ANO4: variants seen among roughly 807,000 people sequenced by gnomAD.
ANO4 encodes anoctamin-4.
Under a neutral mutation model 141.9 loss-of-function variants are expected in ANO4, and 69 were observed. The ratio of observed to expected loss-of-function variants is 0.49; its 90% CI spans 0.40 to 0.59. The LOEUF (loss-of-function observed/expected upper bound fraction) is 0.59. ANO4 is among the 20% of genes least tolerant of loss of function. The probability of loss-of-function intolerance (pLI) is 0.00; values close to 1 mark genes in which losing one functional copy is unlikely to be tolerated. For missense variants in ANO4, 894 were observed against 1,162.2 expected (o/e 0.77, Z 3.36); for synonymous variants, 350 against 394.3 (o/e 0.89, Z 1.33).
intron 5 of ANO4, among the ~76,000 whole-genome samples, chr12:100,943,430 A>G (rs921317686): frequency 2.0e-5 from 3 of 152,228 alleles, no homozygotes; most frequent in African/African-American, 7.2e-5. Context: ...ACAACCTGCG[A>G]GTTGTGCCAA....
At chr12:100,939,229 C>T in intron 3 of ANO4, 86 bp from the exon 4 acceptor site, 4 of 1,370,046 alleles carry the variant, frequency 2.9e-6, no homozygotes, top group Non-Finnish European at 3.0e-6. Flanking sequence ...AAAATATGAA[C>T]CCAAAGGGAG....
intron 8 of ANO4, among the ~76,000 whole-genome samples, chr12:100,988,544 TAA>T (rs72390438): frequency 5.5e-4 from 73 of 133,494 alleles, no homozygotes; most frequent in South Asian, 9.8e-4. Flanking sequence ...GTGATGGATT[TAA>T]AAAAAAAAAA....
intron 26 of ANO4, among the ~76,000 whole-genome samples, chr12:101,124,694 C>T (rs867274787): frequency 2.0e-5 from 3 of 152,150 alleles, no homozygotes; most frequent in Non-Finnish European, 4.4e-5. Context: ...ATATGGCTAG[C>T]CAGTTCTCCC....
chr12:100,746,955 T>C (rs1375963942), intron 3 of ANO4, among the ~76,000 whole-genome samples: 6 of 152,180 alleles, frequency 3.9e-5, no homozygotes, highest in African/African-American at 1.4e-4. Flanking sequence ...TTTTTGCTAA[T>C]ACCAGTTTCT....
chr12:100,815,880 C>T (rs1432874862), intron 1 of ANO4, among the ~76,000 whole-genome samples: 2 of 151,948 alleles, frequency 1.3e-5, no homozygotes, highest in South Asian at 4.1e-4. Context: ...AAAAATTTGG[C>T]ATATTTAAAT....
intron 24 of ANO4, among the ~76,000 whole-genome samples, chr12:101,114,267 C>T (rs1386900048): frequency 6.6e-6 from 1 of 152,168 alleles, no homozygotes; most frequent in African/African-American, 2.4e-5. Flanking sequence ...ACAACTTTCA[C>T]TATTTGATAT....
chr12:100,768,735 T>A (rs61944804), intron 3 of ANO4, among the ~76,000 whole-genome samples: 22,200 of 152,230 alleles, frequency 0.15, 1,879 homozygotes, highest in Non-Finnish European at 0.18. Context: ...TTACTAGTAT[T>A]TCTGAACAAC....
At chr12:101,064,170 T>C (rs1334439588) in intron 14 of ANO4, among the ~76,000 whole-genome samples, 1 of 152,200 alleles carries the variant, frequency 6.6e-6, no homozygotes, top group South Asian at 2.1e-4. Context: ...AAATTTCCTC[T>C]AAGCACTGCT....
At chr12:100,898,188 T>C (rs2040431996) in intron 1 of ANO4, among the ~76,000 whole-genome samples, 1 of 152,228 alleles carries the variant, frequency 6.6e-6, no homozygotes, top group Non-Finnish European at 1.5e-5. Flanking sequence ...TGCCTGACAT[T>C]TAATAGATAG....
chr12:100,722,649 G>A (rs927089880), intron 1 of ANO4, among the ~76,000 whole-genome samples: 1 of 152,120 alleles, frequency 6.6e-6, no homozygotes, highest in African/African-American at 2.4e-5. Flanking sequence ...AATCCCCTCT[G>A]TGGGTTGTAA....
At position 101,083,811 on chromosome 12, in the gene ANO4, T is replaced by G; in HGVS notation, c.1529T>G (p.Phe510Cys). ...SRLIVSASGIFFMICVVIAAV... is the reference protein window; with the variant it reads ...SRLIVSASGICFMICVVIAAV... ...CTTATCGTTTCTGCATCTGGAATATTTTTTATGGTTTGAAACTTTTAAAAA... is the reference window on the plus strand; with the variant it reads ...CTTATCGTTTCTGCATCTGGAATATGTTTTATGGTTTGAAACTTTTAAAAA... Residue 510 changes from phenylalanine to cysteine, a missense_variant, in exon 16 of 28, where the codon TTT becomes TGT. Transcript: ENST00000392977. 2 of 1,560,420 alleles carry G rather than the reference T, an allele frequency of 1.3e-6. No homozygotes were observed. Among genetic ancestry groups the G allele is most frequent in the Non-Finnish European group, 1.7e-6 (2 of 1,163,936 alleles).
chr12:100,847,657 G>A (rs1245969528), intron 1 of ANO4, among the ~76,000 whole-genome samples: 3 of 152,058 alleles, frequency 2.0e-5, no homozygotes, highest in African/African-American at 7.2e-5. Context: ...ATTTTTAGTA[G>A]AGACGGGGTT....
At chr12:100,922,081 C>G in intron 2 of ANO4, 145 bp from the exon 3 acceptor site, 14 of 269,718 alleles carry the variant, frequency 5.2e-5, no homozygotes, top group East Asian at 6.0e-5. Context: ...TTTTTTTTTT[C>G]TTAAGTCCTT....
chr12:101,057,909 T>C (rs962137525), intron 14 of ANO4, among the ~76,000 whole-genome samples: 4 of 152,242 alleles, frequency 2.6e-5, no homozygotes, highest in Admixed American at 2.0e-4. Context: ...GTAATTGGTT[T>C]TGGTGTTGTA....
chr12:100,945,559 G>T (rs1419922447), intron 5 of ANO4, among the ~76,000 whole-genome samples: 1 of 152,064 alleles, frequency 6.6e-6, no homozygotes, highest in Admixed American at 6.5e-5. Context: ...TTCTATTTCT[G>T]ATTTTTTCAT....
intron 7 of ANO4, among the ~76,000 whole-genome samples, chr12:100,979,612 G>A (rs2044358392): frequency 6.6e-6 from 1 of 152,144 alleles, no homozygotes; most frequent in South Asian, 2.1e-4. Context: ...TAAAACAGGA[G>A]CCAAGAGGAG....
chr12:100,755,458 C>A lies in ANO4; in HGVS notation c.358+15353C>A, dbSNP rs948401949. 2.0e-5 allele frequency among the ~76,000 whole-genome samples: 3 copies of A among 152,144 alleles called. 1 individual carries two copies. Among genetic ancestry groups the A allele is most frequent in the Admixed American group, 2.0e-4 (3 of 15,270 alleles). The stretch of plus-strand genomic sequence containing the variant: ...GCCTTGCCAGATGGTGAGCACCATG[C>A]AGGGAGAATGTCTGATTTGAATTTG... On this transcript the variant is annotated intron_variant, in intron 3 of 29. Transcript: ENST00000644049.
intron 14 of ANO4, among the ~76,000 whole-genome samples, chr12:101,077,394 G>C (rs1030243757): frequency 2.0e-5 from 3 of 152,092 alleles, no homozygotes; most frequent in Non-Finnish European, 2.9e-5. Context: ...TGTATTCTGT[G>C]TCCTGTGAAT....
At chr12:101,035,303 T>G (rs1390860267) in intron 9 of ANO4, among the ~76,000 whole-genome samples, 2 of 152,196 alleles carry the variant, frequency 1.3e-5, no homozygotes, top group African/African-American at 4.8e-5. Context: ...TGATTCCATT[T>G]ATATAAAACT....
Sources: gnomAD v4.1 joint callset for allele counts (sites outside exome capture counted in the v4.1 genomes callset) on GRCh38, gnomAD v4.1.1 for gene constraint, MANE v1.5 for transcripts, NCBI Gene and HGNC (gene_info 2026-07-23, HGNC 2026-07-21) for gene names.